The following LRGUK variants were observed in gnomAD, a reference collection of about 807,000 sequenced individuals.
LRGUK encodes the protein leucine-rich repeat and guanylate kinase domain-containing protein.
In LRGUK, 65 loss-of-function variants were observed where a neutral mutation model predicts 76.0. The observed-to-expected ratio is 0.85, with a 90% CI of 0.70 to 1.05. The LOEUF is 1.05. LRGUK is among the 50% of genes least tolerant of loss of function. The pLI is 0.00. For missense variants in LRGUK, 758 were observed against 732.8 expected (o/e 1.03, Z -0.40); for synonymous variants, 268 against 265.6 (o/e 1.01, Z -0.09).
At chr7:134,241,408 G>C (rs912686807) in intron 16 of LRGUK, among the ~76,000 whole-genome samples, 5 of 152,160 alleles carry the variant, frequency 3.3e-5, no homozygotes, top group Non-Finnish European at 7.3e-5. Context: ...TGCAATCCTA[G>C]TCTCTGATAA....
Position 134,242,902 on chromosome 7 carries a change from C to T in LRGUK, c.1984-4654C>T, listed in dbSNP as rs551899360. ...TGGGATGAAAGGCTGGTTCAACATA[C>T]GCAAATCAATAAAGGTAATCCATCA... On this transcript the variant is annotated intron_variant, in intron 16 of 19. Coordinates refer to the LRGUK transcript ENST00000285928. 1.1e-4 allele frequency among the ~76,000 whole-genome samples: 17 copies of T among 152,064 alleles called. 1 individual carries two copies. Among genetic ancestry groups the T allele is most frequent in the Middle Eastern group, 3.2e-3 (1 of 316 alleles).
At chr7:134,172,491 A>G (rs1379500333) in intron 7 of LRGUK, among the ~76,000 whole-genome samples, 1 of 152,206 alleles carries the variant, frequency 6.6e-6, no homozygotes, top group Admixed American at 6.5e-5. Context: ...TCTCTTTAGT[A>G]TAAACCCCTT....
rs761376238 is a variant in LRGUK, at chr7:134,176,967, T to G, written c.1021-10T>G. ...AGGCAACTGAACAGTCCTCTTGATA[T>G]TTTAAATAGGAAAAGTCTGAATATT... On this transcript the variant is annotated splice_polypyrimidine_tract_variant and intron_variant, in intron 8 of 15. Transcript: ENST00000645682. The G allele has an allele frequency of 6.5e-7, 1 of 1,548,034 alleles. No individual in the cohort carries two copies. Among genetic ancestry groups the G allele is most frequent in the Non-Finnish European group, 8.9e-7 (1 of 1,124,572 alleles).
At chr7:134,272,075 A>G in the LRGUK span, among the ~76,000 whole-genome samples, 1 of 152,104 alleles carries the variant, frequency 6.6e-6, no homozygotes, top group Non-Finnish European at 1.5e-5. Context: ...AACAATGATA[A>G]CGAGCATCCT....
intron 5 of LRGUK, among the ~76,000 whole-genome samples, chr7:134,150,826 GT>G (rs956073899): frequency 1.2e-4 from 18 of 149,014 alleles, no homozygotes; most frequent in Non-Finnish European, 2.1e-4. Flanking sequence ...AGGAATTAGG[GT>G]TTTTTTTTTC....
chr7:134,146,821 G>A (rs1797988931), intron 4 of LRGUK, among the ~76,000 whole-genome samples: 1 of 152,120 alleles, frequency 6.6e-6, no homozygotes, highest in Admixed American at 6.6e-5. Flanking sequence ...CTATTTTAAA[G>A]GGCATGGAAA....
At chr7:134,246,313 G>A (rs1289342759) in intron 16 of LRGUK, among the ~76,000 whole-genome samples, 4 of 152,350 alleles carry the variant, frequency 2.6e-5, no homozygotes, top group South Asian at 2.1e-4. Context: ...GGATACAGCA[G>A]TGACAAAAGG....
downstream of LRGUK, among the ~76,000 whole-genome samples, chr7:134,267,968 T>C (rs1461226121): frequency 2.6e-5 from 4 of 152,012 alleles, no homozygotes; most frequent in East Asian, 7.7e-4. Context: ...AAATATACCC[T>C]ATCAAAATTT....
At chr7:134,127,563 A>G (rs781099829) in exon 1 of LRGUK, 15 of 1,614,176 alleles carry the variant, frequency 9.3e-6, no homozygotes, top group Non-Finnish European at 1.2e-5. Context: ...CCAGCAGCTC[A>G]TGCACCGCTA....
At chr7:134,192,334 G>A (rs1017651746) in intron 12 of LRGUK, among the ~76,000 whole-genome samples, 1 of 152,184 alleles carries the variant, frequency 6.6e-6, no homozygotes, top group African/African-American at 2.4e-5. Context: ...TAATGCAGAT[G>A]GCAGCCCTTG....
chr7:134,206,502 A>G (rs1419557883), intron 15 of LRGUK, among the ~76,000 whole-genome samples: 1 of 151,722 alleles, frequency 6.6e-6, no homozygotes, highest in Admixed American at 6.6e-5. Context: ...TGACAGAGTG[A>G]GACTCCATCT....
At chr7:134,208,993 G>C in exon 16 of LRGUK, 1 of 399,112 alleles carries the variant, frequency 2.5e-6, no homozygotes, top group Non-Finnish European at 4.4e-6. Context: ...AGCAGGCCCA[G>C]GACCTATCCC....
chr7:134,209,510 C>T, exon 16 of LRGUK: 1 of 399,222 alleles, frequency 2.5e-6, no homozygotes, highest in Non-Finnish European at 4.4e-6. Context: ...CAGGGGAGCC[C>T]CGGGGACCTT....
At chr7:134,266,157 C>G (rs1339328223), downstream of LRGUK, among the ~76,000 whole-genome samples, 1 of 152,176 alleles carries the variant, frequency 6.6e-6, no homozygotes. Flanking sequence ...AAACGTCCTA[C>G]TGAGACAACA....
intron 16 of LRGUK, among the ~76,000 whole-genome samples, chr7:134,240,162 G>A (rs188640361): frequency 6.0e-4 from 91 of 152,320 alleles, no homozygotes; most frequent in African/African-American, 2.0e-3. Flanking sequence ...CCAAAGGAAC[G>A]CAGCTCCTTG....
chr7:134,203,903 A>G (rs1366926213), intron 15 of LRGUK, among the ~76,000 whole-genome samples: 3 of 152,116 alleles, frequency 2.0e-5, no homozygotes, highest in Non-Finnish European at 2.9e-5. Context: ...ATTCTTTGCT[A>G]CCCAAGCAAC....
chr7:134,235,420 T>G (rs1801990743), intron 16 of LRGUK, among the ~76,000 whole-genome samples: 1 of 152,212 alleles, frequency 6.6e-6, no homozygotes, highest in African/African-American at 2.4e-5. Context: ...CTCCTTCAAC[T>G]ATTAACTCAC....
intron 10 of LRGUK, among the ~76,000 whole-genome samples, chr7:134,178,926 CAAAAAA>C (rs950815389): frequency 6.9e-5 from 3 of 43,556 alleles, no homozygotes; most frequent in Admixed American, 2.4e-4. Context: ...AGTGAAATCT[CAAAAAA>C]AAAAAAAAAA....
chr7:134,244,083 G>A lies in LRGUK; in HGVS notation c.1984-3473G>A, dbSNP rs564992417. Among the ~76,000 whole-genome samples the A allele has an allele frequency of 1.3e-4, 19 of 151,986 alleles. No homozygotes were observed. In the South Asian group the frequency reaches 1.5e-3, roughly 12 times the overall value. On this transcript the variant is annotated intron_variant, in intron 16 of 19. Transcript: ENST00000285928. ...GGATTAAAGACTTAAATGTTAGACCGAAAACCATAAAAATCCTAGAAAAAA... is the reference window on the plus strand; with the variant it reads ...GGATTAAAGACTTAAATGTTAGACCAAAAACCATAAAAATCCTAGAAAAAA...
Sources: gnomAD v4.1 joint callset for allele counts (sites outside exome capture counted in the v4.1 genomes callset) on GRCh38, gnomAD v4.1.1 for gene constraint, MANE v1.5 for transcripts, NCBI Gene and HGNC (gene_info 2026-07-23, HGNC 2026-07-21) for gene names.